Variants in PTRH1 observed in about 807,000 individuals in gnomAD.
The protein encoded by PTRH1 is peptidyl-tRNA hydrolase 1 homolog, also known as peptidyl-tRNA hydrolase.
Under a neutral mutation model 15.7 loss-of-function variants are expected in PTRH1, and 13 were observed. The observed-to-expected ratio is 0.83, with a 90% CI of 0.54 to 1.31. The LOEUF is 1.31. Ranked by LOEUF, PTRH1 falls within the 40% of genes most tolerant of loss-of-function variation. PTRH1 has a pLI of 0.00. For missense variants in PTRH1, 319 were observed against 296.2 expected (o/e 1.08, Z -0.56); for synonymous variants, 139 against 136.7 (o/e 1.02, Z -0.12).
chr9:127,699,581 C>A (rs890394461), intron 1 of PTRH1, among the ~76,000 whole-genome samples: 1 of 152,062 alleles, frequency 6.6e-6, no homozygotes, highest in Non-Finnish European at 1.5e-5. Context: ...TATCTGGGTG[C>A]TGGGTTAGGC....
intron 1 of PTRH1, among the ~76,000 whole-genome samples, chr9:127,708,162 T>C (rs1842688308): frequency 6.6e-6 from 1 of 152,174 alleles, no homozygotes; most frequent in Non-Finnish European, 1.5e-5. Context: ...TGAAAGATGT[T>C]GGTCAACTAA....
chr9:127,712,920 C>G (rs760135818), downstream of PTRH1: 2 of 1,592,046 alleles, frequency 1.3e-6, no homozygotes, highest in Non-Finnish European at 1.7e-6. Context: ...CCACAGAGAG[C>G]AGGGCAAAGG....
chr9:127,706,195 T>C (rs558946280), intron 1 of PTRH1, among the ~76,000 whole-genome samples: 213 of 152,240 alleles, frequency 1.4e-3, no homozygotes, highest in African/African-American at 5.0e-3. Context: ...AACCAATCAC[T>C]TCTCTGACCT....
intron 2 of PTRH1, among the ~76,000 whole-genome samples, chr9:127,694,386 A>T (rs965124734): frequency 2.0e-5 from 3 of 152,152 alleles, no homozygotes; most frequent in Non-Finnish European, 4.4e-5. Context: ...TGTCCCTCCA[A>T]TCTCCTGGGA....
intron 1 of PTRH1, among the ~76,000 whole-genome samples, chr9:127,701,607 A>T (rs997715070): frequency 1.3e-5 from 2 of 152,158 alleles, no homozygotes; most frequent in African/African-American, 4.8e-5. Context: ...ATCTACTTGA[A>T]ATCTTTAAAA....
rs1442251682 is a variant in PTRH1 at position 127,705,341 on chromosome 9, T to C, written c.205+10094A>G. ...TGCCCCCATGGCAAGTAGCGGCCTA[T>C]GGTCCAAAGTAGGGAGCTTTGGGGA... is the stretch of plus-strand genomic sequence containing the variant. On this transcript the variant is annotated intron_variant, in intron 1 of 2. Transcript: ENST00000335223. The surrounding 1 kb of genome is among the most constrained non-coding windows in gnomAD (Gnocchi z 4.7). Among the ~76,000 whole-genome samples, 1 of 152,232 alleles carries C rather than the reference T, an allele frequency of 6.6e-6. No homozygotes were observed. Among genetic ancestry groups the C allele is most frequent in the Non-Finnish European group, 1.5e-5 (1 of 68,050 alleles).
chr9:127,715,173 C>A lies in PTRH1; in HGVS notation c.118G>T (p.Gly40Ter). ...ACGCTGTGTCGCGTGCCGGGCAGTC[C>A]GGGATTCCCCAGGCCAGCCACCTGC... ...RWMVAGLGNPGLPGTRHSVGM... is the reference protein window; with the variant it reads ...RWMVAGLGNP The change falls in exon 2 of 5, where the codon GGA becomes TGA. Residue 40 changes from glycine to a stop codon, truncating the protein, a stop_gained. Transcript: ENST00000543175. LOFTEE classifies it high-confidence loss of function. This position sits in a 1 kb window ranked among gnomAD's most constrained non-coding sequence, Gnocchi z 5.8. The A allele has an allele frequency of 6.5e-7, 1 of 1,529,252 alleles. No individual in the cohort carries two copies. Among genetic ancestry groups the A allele is most frequent in the South Asian group, 1.2e-5 (1 of 83,328 alleles). 94.7% of individuals were successfully genotyped at this position (1,529,252 alleles called of 1,614,324 possible). A position where few individuals can be genotyped will look rare whatever the true frequency, so the allele number is the denominator to read the frequency against.
exon 2 of PTRH1, chr9:127,695,092 A>G (rs749488167): frequency 1.4e-5 from 10 of 700,516 alleles, no homozygotes; most frequent in East Asian, 2.7e-5. Context: ...GATGATGATG[A>G]TGGTGATGAT....
chr9:127,703,243 G>C (rs1842617010), intron 1 of PTRH1, among the ~76,000 whole-genome samples: 1 of 151,862 alleles, frequency 6.6e-6, no homozygotes, highest in Non-Finnish European at 1.5e-5. Flanking sequence ...CTGAGGTCAG[G>C]AGTTCGAGAC....
chr9:127,707,931 G>C (rs1454339579), intron 1 of PTRH1, among the ~76,000 whole-genome samples: 1 of 152,154 alleles, frequency 6.6e-6, no homozygotes, highest in Non-Finnish European at 1.5e-5. Flanking sequence ...GTGGTGCCAG[G>C]CAGGCCATGG....
intron 1 of PTRH1, among the ~76,000 whole-genome samples, chr9:127,704,678 G>A (rs919754964): frequency 2.6e-5 from 4 of 152,078 alleles, no homozygotes; most frequent in Non-Finnish European, 5.9e-5. Flanking sequence ...TTCCCGTTCT[G>A]TAAATGATGA....
chr9:127,711,950 A>T, downstream of PTRH1: 1 of 1,605,592 alleles, frequency 6.2e-7, no homozygotes, highest in Non-Finnish European at 8.5e-7. Flanking sequence ...CAGGCACTGA[A>T]GTGCGTATGG....
chr9:127,703,614 G>A (rs1275282092), intron 1 of PTRH1, among the ~76,000 whole-genome samples: 1 of 152,222 alleles, frequency 6.6e-6, no homozygotes, highest in Non-Finnish European at 1.5e-5. Flanking sequence ...GAGTGACAGA[G>A]GTGTTTGTCC....
At chr9:127,709,438 G>A (rs779201970), downstream of PTRH1, 10 of 1,613,592 alleles carry the variant, frequency 6.2e-6, no homozygotes, top group Non-Finnish European at 8.5e-6. The surrounding 1 kb of genome is among the most constrained non-coding windows in gnomAD (Gnocchi z 4.7). Context: ...GCGGAAGTGG[G>A]ATGAGCTGGC....
At chr9:127,709,881 C>A (rs1842724987), downstream of PTRH1, among the ~76,000 whole-genome samples, 1 of 152,200 alleles carries the variant, frequency 6.6e-6, no homozygotes, top group African/African-American at 2.4e-5. This position sits in a 1 kb window ranked among gnomAD's most constrained non-coding sequence, Gnocchi z 4.7. Context: ...GGAAGCACCT[C>A]AAAAGATGAA....
intron 1 of PTRH1, among the ~76,000 whole-genome samples, chr9:127,701,415 T>G (rs1842602244): frequency 6.6e-6 from 1 of 152,130 alleles, no homozygotes; most frequent in African/African-American, 2.4e-5. Context: ...GATCTATTAG[T>G]TGAATAAAGA....
downstream of PTRH1, chr9:127,712,608 G>C: frequency 1.3e-6 from 2 of 1,598,242 alleles, no homozygotes; most frequent in Non-Finnish European, 1.7e-6. Flanking sequence ...ACCACAGACA[G>C]GGAAAACTTC....
chr9:127,708,105 G>A (rs929900591), intron 1 of PTRH1, among the ~76,000 whole-genome samples: 3 of 152,190 alleles, frequency 2.0e-5, no homozygotes, highest in African/African-American at 4.8e-5. Flanking sequence ...ATGCAAGACT[G>A]CTTCCTCAGC....
downstream of PTRH1, chr9:127,713,492 C>G: frequency 4.3e-6 from 1 of 232,936 alleles, no homozygotes; most frequent in Non-Finnish European, 7.9e-6. Flanking sequence ...AAGCCAGCAT[C>G]TTTCTTTTTT....
Sources: allele counts gnomAD v4.1 joint callset (sites outside exome capture counted in the v4.1 genomes callset), GRCh38; gene constraint gnomAD v4.1.1; non-coding constraint Gnocchi (gnomAD v3.1); transcripts MANE v1.5; gene names NCBI Gene and HGNC (gene_info 2026-07-23, HGNC 2026-07-21).